Variants in HERC3 observed in about 807,000 individuals in gnomAD.
HERC3 encodes HECT and RLD domain containing E3 ubiquitin protein ligase 3, also known as probable E3 ubiquitin-protein ligase HERC3.
Under a neutral mutation model 129.9 loss-of-function variants are expected in HERC3, and 58 were observed. The observed-to-expected ratio is 0.45, with a 90% confidence interval of 0.36 to 0.56. The LOEUF (loss-of-function observed/expected upper bound fraction) is 0.56, where lower values mean the gene tolerates loss of function less well. HERC3 is among the 20% of genes least tolerant of loss of function. HERC3 has a pLI of 0.00. For missense variants in HERC3, 835 were observed against 1,244.2 expected (o/e 0.67, Z 4.95); for synonymous variants, 430 against 451.0 (o/e 0.95, Z 0.59).
At chr4:88,563,534 T>C in the HERC3 span, among the ~76,000 whole-genome samples, 580 of 152,344 alleles carry the variant, frequency 3.8e-3, 3 homozygotes, top group Admixed American at 5.5e-3. Flanking sequence ...CTTCCAGTAC[T>C]ATGCTGAATA....
In HERC3 at chr4:88,676,249, A is replaced by T. The variant is rs372513614; in HGVS notation, c.1935+8A>T. ...AGACCATCAATAATACAGGTAAATGATCCTTTTTAAATTTGCTTTTATATT... is the reference window on the plus strand; with the variant it reads ...AGACCATCAATAATACAGGTAAATGTTCCTTTTTAAATTTGCTTTTATATT... On this transcript the variant is annotated splice_region_variant and intron_variant, in intron 17 of 25. Transcript: ENST00000402738. 3.2e-6 allele frequency: 5 copies of T among 1,569,522 alleles called. No homozygotes were observed. In the African/African-American group the frequency reaches 5.4e-5, roughly 17 times the overall value.
chr4:88,664,583 G>T (rs1220161805), intron 12 of HERC3, among the ~76,000 whole-genome samples: 1 of 152,024 alleles, frequency 6.6e-6, no homozygotes, highest in Non-Finnish European at 1.5e-5. Context: ...TACCTGGATG[G>T]CAGAAAAGCA....
intron 23 of HERC3, among the ~76,000 whole-genome samples, chr4:88,694,878 A>T (rs990038127): frequency 3.3e-5 from 5 of 152,138 alleles, no homozygotes; most frequent in Non-Finnish European, 5.9e-5. Flanking sequence ...AGTGCCTATA[A>T]ATGGTTATTG....
At chr4:88,578,049 C>A in the HERC3 span, among the ~76,000 whole-genome samples, 5 of 152,126 alleles carry the variant, frequency 3.3e-5, no homozygotes, top group African/African-American at 1.2e-4. Flanking sequence ...TAGGTGTTTC[C>A]ACAATGAATT....
chr4:88,581,199 G>A, the HERC3 span, among the ~76,000 whole-genome samples: 5 of 152,036 alleles, frequency 3.3e-5, no homozygotes, highest in African/African-American at 4.8e-5. Flanking sequence ...GGATTCTTGT[G>A]TTTCTAGAGC....
chr4:88,536,285 T>C, the HERC3 span, among the ~76,000 whole-genome samples: 1 of 152,208 alleles, frequency 6.6e-6, no homozygotes, highest in Non-Finnish European at 1.5e-5. Flanking sequence ...CCATTTCTTC[T>C]GCCCAGAATA....
chr4:88,606,596 A>C (rs1180590484), intron 3 of HERC3, among the ~76,000 whole-genome samples: 7 of 152,192 alleles, frequency 4.6e-5, no homozygotes, highest in Non-Finnish European at 1.0e-4. Context: ...TATTGGGTTT[A>C]CAGTTCCACG....
chr4:88,666,480 G>C (rs1731057831), intron 12 of HERC3, among the ~76,000 whole-genome samples: 1 of 152,074 alleles, frequency 6.6e-6, no homozygotes, highest in African/African-American at 2.4e-5. Flanking sequence ...AAAAAACAAA[G>C]TACAAGCAAT....
chr4:88,686,634 T>C (rs753858190), intron 21 of HERC3, 102 bp from the exon 22 acceptor site: 72 of 722,986 alleles, frequency 1.0e-4, no homozygotes, highest in Middle Eastern at 4.8e-4. Context: ...TCTTCTTTCA[T>C]AGTTTTTCCT....
chr4:88,649,400 C>T (rs1729034085), intron 3 of HERC3, among the ~76,000 whole-genome samples: 1 of 152,138 alleles, frequency 6.6e-6, no homozygotes, highest in African/African-American at 2.4e-5. Context: ...GTTTAGCATT[C>T]TGGGTGTGTT....
the HERC3 span, among the ~76,000 whole-genome samples, chr4:88,549,329 A>C: frequency 6.6e-6 from 1 of 151,956 alleles, no homozygotes; most frequent in East Asian, 1.9e-4. Context: ...TTAAAAAAAA[A>C]AACAGCATTT....
chr4:88,591,224 A>C (rs1332773279), upstream of HERC3, among the ~76,000 whole-genome samples: 1 of 152,076 alleles, frequency 6.6e-6, no homozygotes, highest in African/African-American at 2.4e-5. Flanking sequence ...GTCAAGTGTG[A>C]TCCAAATTTC....
chr4:88,607,696 T>A (rs1723823709), intron 3 of HERC3, among the ~76,000 whole-genome samples: 1 of 152,204 alleles, frequency 6.6e-6, no homozygotes, highest in Admixed American at 6.5e-5. Flanking sequence ...CTCAAACTCT[T>A]GAGCTCAAGC....
intron 14 of HERC3, 26 bp downstream of exon 14, chr4:88,668,107 T>C: frequency 6.4e-7 from 1 of 1,564,034 alleles, no homozygotes; most frequent in Non-Finnish European, 8.8e-7. Context: ...TCGATATCAG[T>C]GGTTTTATGG....
chr4:88,625,012 T>C (rs1297450150), intron 3 of HERC3, among the ~76,000 whole-genome samples: 1 of 152,226 alleles, frequency 6.6e-6, no homozygotes, highest in Non-Finnish European at 1.5e-5. Context: ...GTTGGCTGTG[T>C]GTGCTCGTCT....
Position 88,686,781 on chromosome 4 carries a change from G to A in HERC3, c.2553G>A (p.Glu851=), listed in dbSNP as rs7698491. The change falls in exon 22 of 26, where the codon GAG becomes GAA. Residue 851 remains glutamate, a synonymous_variant. Transcript: ENST00000402738. ...ATTACCCCGGGGAGGATGTGGAGGA[G>A]ACTTTCTGCCTCAACTTCACGGTAA... ...LLDYPGEDVE[E]TFCLNFTICR... 108,940 of 1,609,634 alleles carry A rather than the reference G, an allele frequency of 0.068. 6,026 individuals are homozygous for A. Among genetic ancestry groups the A allele is most frequent in the African/African-American group, 0.21 (15,559 of 74,754 alleles).
At chr4:88,537,029 C>T in the HERC3 span, among the ~76,000 whole-genome samples, 2 of 152,160 alleles carry the variant, frequency 1.3e-5, no homozygotes, top group African/African-American at 4.8e-5. Context: ...CAGCAACTTG[C>T]AGACATGAGG....
intron 20 of HERC3, among the ~76,000 whole-genome samples, chr4:88,680,786 G>A (rs1434007005): frequency 6.6e-6 from 1 of 152,184 alleles, no homozygotes; most frequent in African/African-American, 2.4e-5. Flanking sequence ...GTAAGTAACA[G>A]CAAAGATTCA....
At chr4:88,620,442 T>C (rs1265855630) in intron 3 of HERC3, among the ~76,000 whole-genome samples, 1 of 152,116 alleles carries the variant, frequency 6.6e-6, no homozygotes, top group Non-Finnish European at 1.5e-5. Context: ...AACCTTGGAG[T>C]CATCCCTGAT....
Sources: gnomAD v4.1 joint callset for allele counts (sites outside exome capture counted in the v4.1 genomes callset) on GRCh38, gnomAD v4.1.1 for gene constraint, MANE v1.5 for transcripts, NCBI Gene and HGNC (gene_info 2026-07-23, HGNC 2026-07-21) for gene names.